CNOT6L: variants seen among roughly 807,000 people sequenced by gnomAD.
CNOT6L encodes CCR4-NOT transcription complex subunit 6-like.
CNOT6L carries 7 observed loss-of-function variants against 64.0 expected under a neutral mutation model. The ratio of observed to expected loss-of-function variants is 0.11; its 90% CI spans 0.06 to 0.21. CNOT6L has a LOEUF of 0.21. CNOT6L is among the 10% of genes least tolerant of loss of function. The pLI is 1.00. For synonymous variants in CNOT6L, 193 were observed against 243.4 expected (o/e 0.79, Z 1.93); for missense variants, 245 against 669.0 (o/e 0.37, Z 6.99).
chr4:77,745,153 A>G (rs193283421), intron 6 of CNOT6L, among the ~76,000 whole-genome samples: 2 of 152,328 alleles, frequency 1.3e-5, no homozygotes, highest in Admixed American at 1.3e-4. Flanking sequence ...TAAATCTGCT[A>G]ATTTTTTGCT....
chr4:77,759,001 G>C (rs889218819), intron 4 of CNOT6L, among the ~76,000 whole-genome samples: 5 of 151,894 alleles, frequency 3.3e-5, no homozygotes, highest in Non-Finnish European at 4.4e-5. Context: ...GGACTATAGG[G>C]CACTTCCTCC....
chr4:77,720,455 A>G lies in CNOT6L; in HGVS notation c.1644T>C (p.Gly548=). 1.2e-6 allele frequency: 2 copies of G among 1,613,494 alleles called. No individual in the cohort carries two copies. The highest frequency in any genetic ancestry group is 1.7e-6 in the Non-Finnish European group (2 of 1,179,518). The change falls in exon 12 of 12, where the codon GGT becomes GGC. Residue 548 remains glycine (G), a synonymous_variant. Transcript: ENST00000504123. ...LHPPLLPLVN[G]VHLPNRR ...ACTACCTCCGATTAGGCAAGTGAAC[A>G]CCATTGACAAGAGGCAGGAGTGGAG...
intron 1 of CNOT6L, among the ~76,000 whole-genome samples, chr4:77,807,894 A>G (rs1732438889): frequency 6.6e-6 from 1 of 152,172 alleles, no homozygotes; most frequent in African/African-American, 2.4e-5. Flanking sequence ...TCAACTGTGA[A>G]GTAGAAATAA....
chr4:77,747,027 C>A (rs1271831541), intron 6 of CNOT6L, among the ~76,000 whole-genome samples: 1 of 151,372 alleles, frequency 6.6e-6, no homozygotes, highest in African/African-American at 2.4e-5. Flanking sequence ...ATATATCCCA[C>A]ATTTCCAAAT....
At chr4:77,762,748 T>C (rs1451561222) in intron 4 of CNOT6L, among the ~76,000 whole-genome samples, 1 of 152,152 alleles carries the variant, frequency 6.6e-6, no homozygotes, top group Non-Finnish European at 1.5e-5. Flanking sequence ...TACTGTATGT[T>C]CCAATATATG....
At chr4:77,776,011 T>C (rs1728101438) in intron 2 of CNOT6L, among the ~76,000 whole-genome samples, 1 of 152,178 alleles carries the variant, frequency 6.6e-6, no homozygotes, top group Non-Finnish European at 1.5e-5. Context: ...CAAAATCTAT[T>C]ATATCAAAGA....
At chr4:77,782,622 A>G (rs567605138) in intron 1 of CNOT6L, among the ~76,000 whole-genome samples, 2 of 147,910 alleles carry the variant, frequency 1.4e-5, no homozygotes, top group East Asian at 4.0e-4. Flanking sequence ...GATTACAGGC[A>G]TGAGCCACAG....
At chr4:77,813,674 T>C (rs1733223214) in intron 1 of CNOT6L, among the ~76,000 whole-genome samples, 1 of 152,122 alleles carries the variant, frequency 6.6e-6, no homozygotes, top group Non-Finnish European at 1.5e-5. Flanking sequence ...TCATTAGCCA[T>C]CAGGGAAATG....
chr4:77,733,129 TAAA>T (rs1722622821), intron 8 of CNOT6L, among the ~76,000 whole-genome samples: 1 of 152,086 alleles, frequency 6.6e-6, no homozygotes, highest in Non-Finnish European at 1.5e-5. Flanking sequence ...TTCCCACAGA[TAAA>T]ACAGATAAAA....
At chr4:77,725,842 G>C (rs1721794368) in intron 11 of CNOT6L, among the ~76,000 whole-genome samples, 1 of 152,152 alleles carries the variant, frequency 6.6e-6, no homozygotes, top group African/African-American at 2.4e-5. Flanking sequence ...CTGAAAGTTA[G>C]GGATGGTTTG....
At chr4:77,811,873 TTA>T (rs1491275393) in intron 1 of CNOT6L, among the ~76,000 whole-genome samples, 2 of 59,422 alleles carry the variant, frequency 3.4e-5, no homozygotes, top group Non-Finnish European at 7.8e-5. Flanking sequence ...AAGGAGCAGT[TTA>T]AAAAAAAAAA....
chr4:77,727,547 A>C (rs1257703249), intron 10 of CNOT6L, among the ~76,000 whole-genome samples: 2 of 131,544 alleles, frequency 1.5e-5, no homozygotes, highest in African/African-American at 5.6e-5. Context: ...TGGCAACAAG[A>C]GCACAACTCT....
intron 1 of CNOT6L, among the ~76,000 whole-genome samples, chr4:77,796,894 A>C (rs1016188456): frequency 1.1e-4 from 17 of 152,034 alleles, no homozygotes; most frequent in African/African-American, 4.1e-4. Context: ...CAGCCTGGAC[A>C]ACATGGCAAA....
chr4:77,745,437 ATAG>A (rs1332604382), intron 6 of CNOT6L, among the ~76,000 whole-genome samples: 1 of 152,202 alleles, frequency 6.6e-6, no homozygotes, highest in African/African-American at 2.4e-5. Flanking sequence ...GAGCAAACTA[ATAG>A]TAGAAGATGG....
chr4:77,791,607 A>G (rs1279978419), intron 1 of CNOT6L, among the ~76,000 whole-genome samples: 1 of 152,158 alleles, frequency 6.6e-6, no homozygotes, highest in African/African-American at 2.4e-5. Context: ...TTATAAGCCT[A>G]ATACTAATGC....
At position 77,716,186 on chromosome 4, in the gene CNOT6L, A is replaced by G. The variant is rs1720729091; in HGVS notation, c.*4245T>C. On this transcript the variant is annotated 3_prime_UTR_variant, in exon 12 of 12. Transcript: ENST00000504123. Reference sequence around the variant, plus strand: ...ATGTGAGAATTCACATTTCTGTCAAAATGTAAGTATGTATGAGTGCTATTT... The same window carrying G: ...ATGTGAGAATTCACATTTCTGTCAAGATGTAAGTATGTATGAGTGCTATTT... 1 of 152,114 alleles carries G rather than the reference A, an allele frequency of 6.6e-6. No homozygotes were observed. The highest frequency in any genetic ancestry group is 1.5e-5 in the Non-Finnish European group (1 of 67,994). 9.4% of individuals were successfully genotyped at this position (152,114 alleles called of 1,614,324 possible).
At chr4:77,766,862 G>A (rs1038313265) in intron 4 of CNOT6L, among the ~76,000 whole-genome samples, 6 of 151,666 alleles carry the variant, frequency 4.0e-5, no homozygotes, top group Admixed American at 3.9e-4. Context: ...TCAGGAATTT[G>A]AGACCAGCCT....
chr4:77,726,445 C>T, intron 10 of CNOT6L, 76 bp from the exon 11 acceptor site: 1 of 1,137,670 alleles, frequency 8.8e-7, no homozygotes, highest in Middle Eastern at 2.0e-4. Flanking sequence ...GACTTGTTAC[C>T]AGGTTAATCC....
chr4:77,730,597 G>C (rs1276441789), intron 9 of CNOT6L, among the ~76,000 whole-genome samples: 1 of 152,022 alleles, frequency 6.6e-6, no homozygotes, highest in African/African-American at 2.4e-5. Context: ...GAGGGGCTAA[G>C]AAAAGTAAAA....
Sources: allele counts gnomAD v4.1 joint callset (sites outside exome capture counted in the v4.1 genomes callset), GRCh38; gene constraint gnomAD v4.1.1; transcripts MANE v1.5; gene names NCBI Gene and HGNC (gene_info 2026-07-23, HGNC 2026-07-21).